Variants in ZNF763 observed in about 807,000 individuals in gnomAD.
The protein encoded by ZNF763 is DNA-binding protein.
ZNF763 carries 33 observed loss-of-function variants against 38.0 expected under a neutral mutation model. The observed-to-expected ratio is 0.87, with a 90% confidence interval of 0.66 to 1.16. The LOEUF is 1.16. Among genes scored for constraint, ZNF763 ranks in the 50% most tolerant of loss-of-function variants. The probability of loss-of-function intolerance (pLI) is 0.00; values close to 1 mark genes in which losing one functional copy is unlikely to be tolerated. For synonymous variants in ZNF763, 155 were observed against 160.1 expected (o/e 0.97, Z 0.24); for missense variants, 423 against 469.1 (o/e 0.90, Z 0.91).
intron 1 of ZNF763, 90 bp downstream of exon 1, chr19:11,965,301 C>A: frequency 4.5e-6 from 7 of 1,567,102 alleles, no homozygotes; most frequent in Non-Finnish European, 6.1e-6. Context: ...GGCCTCCCTG[C>A]GGGCGACTCC....
intron 1 of ZNF763, among the ~76,000 whole-genome samples, chr19:11,971,040 T>C (rs1216258142): frequency 1.3e-5 from 2 of 152,236 alleles, no homozygotes; most frequent in East Asian, 1.9e-4. Flanking sequence ...TCTTAATTAG[T>C]GTAGAGTTCA....
chr19:11,980,145 C>A lies in ZNF763; in HGVS notation c.*1036C>A, dbSNP rs1021149078. The A allele has an allele frequency of 4.0e-6, 3 of 746,176 alleles. No homozygotes were observed. Among genetic ancestry groups the A allele is most frequent in the Non-Finnish European group, 6.5e-6 (3 of 462,168 alleles). 46.2% of individuals were successfully genotyped at this position (746,176 alleles called of 1,614,324 possible). On this transcript the variant is annotated 3_prime_UTR_variant, in exon 4 of 4. Transcript: ENST00000358987. Reference sequence around the variant, plus strand: ...GGTAGGACTCACACTGGATAGAAACCAAAGCAGGTGAATCACCTGAGGTCA... The same window carrying A: ...GGTAGGACTCACACTGGATAGAAACAAAAGCAGGTGAATCACCTGAGGTCA...
At position 11,978,780 on chromosome 19, in the gene ZNF763, T is replaced by A. The variant is rs1973554411; in HGVS notation, c.856T>A (p.Cys286Ser). 6.2e-7 allele frequency: 1 copy of A among 1,614,180 alleles called. No homozygotes were observed. The highest frequency in any genetic ancestry group is 1.3e-5 in the African/African-American group (1 of 75,040). ...CCACACTGGGGGAAAGCCATATGAA[T>A]GTAAACAATGTGGCAAATCCTTCAG... ...RTHTGGKPYE[C>S]KQCGKSFSWC... Residue 286 changes from cysteine (C) to serine (S), a missense_variant, in exon 4 of 4, where the codon TGT (cysteine) becomes AGT (serine). By Grantham distance (112) the Cys-to-Ser change is moderately radical. Coordinates refer to ENST00000358987, the MANE Select transcript of ZNF763 (RefSeq NM_001367172.2).
intron 1 of ZNF763, among the ~76,000 whole-genome samples, chr19:11,976,309 G>C (rs56221912): frequency 0.045 from 6,832 of 151,628 alleles, 235 homozygotes; most frequent in Non-Finnish European, 0.064. Context: ...AGCCCAGGCA[G>C]CTCCCTTTTC....
At chr19:11,970,310 A>C (rs535316516) in intron 1 of ZNF763, among the ~76,000 whole-genome samples, 53 of 152,372 alleles carry the variant, frequency 3.5e-4, no homozygotes, top group Non-Finnish European at 6.8e-4. Context: ...GGAGGTGGTC[A>C]CCAGAATGCA....
Position 11,979,453 on chromosome 19 carries a change from A to G in ZNF763, c.*344A>G, listed in dbSNP as rs1973574333. The stretch of plus-strand genomic sequence containing the variant: ...ACATAAGAATACACTCTGGAGAAAG[A>G]CCTTATAAATGTAAGACATGTGGGA... On this transcript the variant is annotated 3_prime_UTR_variant, in exon 4 of 4. Transcript: ENST00000358987. 3.7e-6 allele frequency: 6 copies of G among 1,606,698 alleles called. No homozygotes were observed. The highest frequency in any genetic ancestry group is 4.5e-5 in the East Asian group (2 of 44,688).
chr19:11,976,555 C>CAAA (rs1197877281), intron 1 of ZNF763, among the ~76,000 whole-genome samples: 1,884 of 73,732 alleles, frequency 0.026, 90 homozygotes, highest in African/African-American at 0.085. Context: ...GACTCTGTCT[C>CAAA]AAAAAAAAAA....
intron 1 of ZNF763, among the ~76,000 whole-genome samples, chr19:11,974,552 T>G (rs1165651175): frequency 6.6e-6 from 1 of 150,554 alleles, no homozygotes; most frequent in African/African-American, 2.5e-5. Flanking sequence ...ATATGTTTGT[T>G]TGACATAATT....
chr19:11,980,381 C>CAAAA lies in ZNF763; in HGVS notation c.*1287_*1290dup, dbSNP rs34141334. ...GGGCAACAGGAGCAAAACTCCGTCTCAAAAAAAAAAAAAAAAAAGACTTGG... is the reference window on the plus strand; with the variant it reads ...GGGCAACAGGAGCAAAACTCCGTCTCAAAAAAAAAAAAAAAAAAAAAAGACTTGG... On this transcript the variant is annotated 3_prime_UTR_variant, in exon 4 of 4. Coordinates refer to ENST00000358987, the MANE Select transcript of ZNF763 (RefSeq NM_001367172.2). The CAAAA allele has an allele frequency of 8.1e-5, 10 of 123,686 alleles. No individual in the cohort carries two copies. Among genetic ancestry groups the CAAAA allele is most frequent in the South Asian group, 2.6e-4 (1 of 3,818 alleles). The allele number at this position is 123,686 out of a possible 1,614,324, so 7.7% of individuals were successfully genotyped here. A position where few individuals can be genotyped will look rare whatever the true frequency, so the allele number is the denominator to read the frequency against.
chr19:11,980,329 C>A lies in ZNF763; in HGVS notation c.*1220C>A. The A allele has an allele frequency of 5.1e-6, 1 of 194,184 alleles. No individual in the cohort carries two copies. The highest frequency in any genetic ancestry group is 9.7e-6 in the Non-Finnish European group (1 of 103,522). 12.0% of individuals were successfully genotyped at this position (194,184 alleles called of 1,614,324 possible). ...CTGGGGGGCAGAGGTTGCAGTGAGC[C>A]AAGATTGTGCCATTGCACTCTAGCC... On this transcript the variant is annotated 3_prime_UTR_variant, in exon 4 of 4. Transcript: ENST00000358987.
intron 1 of ZNF763, among the ~76,000 whole-genome samples, chr19:11,974,255 G>A (rs147996179): frequency 9.5e-4 from 143 of 149,910 alleles, no homozygotes; most frequent in Middle Eastern, 3.5e-3. Flanking sequence ...GGAGTGCAAT[G>A]GCATGATCTC....
rs542486448 is a variant in ZNF763, at chr19:11,974,042, T to A, written c.4-2996T>A. Among the ~76,000 whole-genome samples, 4 of 143,036 alleles carry A rather than the reference T, an allele frequency of 2.8e-5. No homozygotes were observed. In the South Asian group the frequency reaches 8.4e-4, roughly 30 times the overall value. The allele number at this position is 143,036 out of a possible 152,430, so 93.8% of individuals were successfully genotyped here. ...AGGTGTTTGCTGGTGCCTCATTGTT[T>A]TCTTTCTTTCTTTCTTTCCTTCTTT... On this transcript the variant is annotated intron_variant, in intron 1 of 3. Transcript: ENST00000358987.
At position 11,965,234 on chromosome 19, in the gene ZNF763, C is replaced by A. The variant is rs767173243; in HGVS notation, c.3+23C>A. On this transcript the variant is annotated intron_variant, in intron 1 of 3. Coordinates refer to ENST00000358987, the MANE Select transcript of ZNF763 (RefSeq NM_001367172.2). Reference sequence around the variant, plus strand: ...ATGGTGCGTGTGCATAGCCGGTTGTCCCGAGACGGGGTAGAGGCTGCCTGG... The same window carrying A: ...ATGGTGCGTGTGCATAGCCGGTTGTACCGAGACGGGGTAGAGGCTGCCTGG... 3 of 1,613,788 alleles carry A rather than the reference C, an allele frequency of 1.9e-6. No homozygotes were observed. In the African/African-American group the frequency reaches 4.0e-5, roughly 22 times the overall value.
chr19:11,974,070 TTTCTTTC>T (rs1973408700), intron 1 of ZNF763, among the ~76,000 whole-genome samples: 1 of 58,776 alleles, frequency 1.7e-5, no homozygotes, highest in African/African-American at 6.1e-5. Context: ...CCTTCTTTCT[TTTCTTTC>T]TTTCTTTCTT....
chr19:11,968,521 C>A (rs1973285565), intron 1 of ZNF763, among the ~76,000 whole-genome samples: 2 of 152,328 alleles, frequency 1.3e-5, no homozygotes, highest in South Asian at 2.1e-4. Flanking sequence ...GGATTATAGA[C>A]ATGAGCAAAT....
intron 1 of ZNF763, among the ~76,000 whole-genome samples, chr19:11,971,547 G>A (rs954364623): frequency 2.6e-5 from 4 of 151,610 alleles, no homozygotes; most frequent in Non-Finnish European, 5.9e-5. Context: ...CTTAATTTTA[G>A]TGAAAAAAAC....
At position 11,979,215 on chromosome 19, in the gene ZNF763, C is replaced by T; in HGVS notation, c.*106C>T. ...ATAAATGCATGCCATGTGGTAAAGC[C>T]TTCAATCTTTCCAGTTCCTTTCAGT... On this transcript the variant is annotated 3_prime_UTR_variant, in exon 4 of 4. Transcript: ENST00000358987. 2 of 1,611,822 alleles carry T rather than the reference C, an allele frequency of 1.2e-6. No individual in the cohort carries two copies. The highest frequency in any genetic ancestry group is 1.7e-6 in the Non-Finnish European group (2 of 1,179,278).
chr19:11,971,488 G>T (rs10421432), intron 1 of ZNF763, among the ~76,000 whole-genome samples: 1,790 of 152,014 alleles, frequency 0.012, 39 homozygotes, highest in African/African-American at 0.041. Flanking sequence ...GAGCATCTTG[G>T]CTGTTCTTAG....
intron 1 of ZNF763, among the ~76,000 whole-genome samples, chr19:11,976,180 G>A (rs2145341356): frequency 6.7e-6 from 1 of 150,308 alleles, no homozygotes; most frequent in East Asian, 2.0e-4. Context: ...TTGGGAACAG[G>A]CATTTTCAAG....
Sources: gnomAD v4.1 joint callset for allele counts (sites outside exome capture counted in the v4.1 genomes callset) on GRCh38, gnomAD v4.1.1 for gene constraint, MANE v1.5 for transcripts, NCBI Gene and HGNC (gene_info 2026-07-23, HGNC 2026-07-21) for gene names.